The following XKR9 variants were observed in gnomAD, a reference collection of about 807,000 sequenced individuals.
XKR9 encodes XK-related protein 9.
Under a neutral mutation model 32.0 loss-of-function variants are expected in XKR9, and 32 were observed. That is an observed-to-expected ratio of 1.00 (90% CI 0.76 to 1.34). The LOEUF (loss-of-function observed/expected upper bound fraction) is 1.34, where lower values mean the gene tolerates loss of function less well. Among genes scored for constraint, XKR9 ranks in the 40% most tolerant of loss-of-function variants. The pLI is 0.00. For missense variants in XKR9, 546 were observed against 429.7 expected, an observed-to-expected ratio of 1.27 and a Z score of -2.39; for synonymous variants, 168 against 143.4, an observed-to-expected ratio of 1.17 and a Z score of -1.22.
the XKR9 span, among the ~76,000 whole-genome samples, chr8:70,996,575 A>C: frequency 6.6e-6 from 1 of 152,232 alleles, no homozygotes; most frequent in East Asian, 1.9e-4. Flanking sequence ...ACAATGATTA[A>C]AATTAGAAGA....
chr8:70,669,824 G>C (rs960722392), intron 1 of XKR9, among the ~76,000 whole-genome samples: 3 of 151,830 alleles, frequency 2.0e-5, no homozygotes, highest in Admixed American at 2.0e-4. Flanking sequence ...CCGCCACCAC[G>C]CCCGGCTAAT....
intron 4 of XKR9, among the ~76,000 whole-genome samples, chr8:70,718,440 T>C (rs1806163847): frequency 6.6e-6 from 1 of 152,078 alleles, no homozygotes; most frequent in South Asian, 2.1e-4. Context: ...CCCGCATGCA[T>C]TAGCTGTTTG....
intron 2 of XKR9, among the ~76,000 whole-genome samples, chr8:70,744,788 T>C (rs969085607): frequency 3.3e-5 from 5 of 150,548 alleles, no homozygotes; most frequent in African/African-American, 9.7e-5. Context: ...GTATTTTTGG[T>C]AGAGATTGGG....
At chr8:70,889,229 G>A in the XKR9 span, among the ~76,000 whole-genome samples, 1 of 151,192 alleles carries the variant, frequency 6.6e-6, no homozygotes, top group African/African-American at 2.4e-5. Flanking sequence ...AAATGGGATC[G>A]CCATCTTGAT....
chr8:70,677,966 CAT>C (rs1307623098), intron 2 of XKR9: 1 of 152,178 alleles, frequency 6.6e-6, no homozygotes, highest in African/African-American at 2.4e-5. Flanking sequence ...ACACATTAAA[CAT>C]ATCCAGTAGA....
At chr8:70,902,697 T>C in the XKR9 span, among the ~76,000 whole-genome samples, 3 of 152,246 alleles carry the variant, frequency 2.0e-5, no homozygotes, top group Admixed American at 2.0e-4. Context: ...GGCATCCCTG[T>C]CTTGTGCCAG....
chr8:70,947,286 AACAT>A, the XKR9 span, among the ~76,000 whole-genome samples: 1 of 152,214 alleles, frequency 6.6e-6, no homozygotes, highest in Non-Finnish European at 1.5e-5. Context: ...AGCATCTGGA[AACAT>A]ACTGAGAACA....
the XKR9 span, among the ~76,000 whole-genome samples, chr8:70,907,996 A>G: frequency 6.6e-6 from 1 of 152,210 alleles, no homozygotes; most frequent in Non-Finnish European, 1.5e-5. Context: ...AATCTTATGC[A>G]TAATTTACTC....
At chr8:70,932,935 C>A in the XKR9 span, among the ~76,000 whole-genome samples, 2 of 152,096 alleles carry the variant, frequency 1.3e-5, no homozygotes, top group Non-Finnish European at 2.9e-5. Context: ...TGAACGGACC[C>A]TAGCTTTCAG....
intron 2 of XKR9, among the ~76,000 whole-genome samples, chr8:70,758,714 G>A (rs2130201583): frequency 6.6e-6 from 1 of 152,276 alleles, no homozygotes; most frequent in South Asian, 2.1e-4. Flanking sequence ...AGTCAGTCTT[G>A]ATGACATAAT....
At chr8:70,855,134 C>T in the XKR9 span, among the ~76,000 whole-genome samples, 6 of 152,036 alleles carry the variant, frequency 3.9e-5, no homozygotes, top group African/African-American at 1.2e-4. Flanking sequence ...TGGAGAATGA[C>T]TTTGACGAGT....
chr8:70,845,387 A>T, the XKR9 span, among the ~76,000 whole-genome samples: 1 of 152,236 alleles, frequency 6.6e-6, no homozygotes, highest in Non-Finnish European at 1.5e-5. Context: ...GGAAAAGCCG[A>T]GGAAATACAA....
the XKR9 span, among the ~76,000 whole-genome samples, chr8:70,814,889 A>G: frequency 6.6e-6 from 1 of 152,248 alleles, no homozygotes; most frequent in Non-Finnish European, 1.5e-5. Flanking sequence ...AAATGAATTC[A>G]GTAAAGTTTC....
chr8:70,678,799 T>C (rs1485871336), intron 2 of XKR9, among the ~76,000 whole-genome samples: 1 of 152,244 alleles, frequency 6.6e-6, no homozygotes, highest in Non-Finnish European at 1.5e-5. Context: ...TTCTGAAGAC[T>C]TTTTAGCAAA....
chr8:70,746,128 CT>C (rs1219885723), intron 2 of XKR9, among the ~76,000 whole-genome samples: 3 of 151,208 alleles, frequency 2.0e-5, no homozygotes, highest in African/African-American at 7.3e-5. Flanking sequence ...GACTTAAGTA[CT>C]TTTTTAAAAT....
the XKR9 span, among the ~76,000 whole-genome samples, chr8:70,840,326 G>A: frequency 1.3e-5 from 2 of 152,170 alleles, no homozygotes; most frequent in Middle Eastern, 3.4e-3. Flanking sequence ...TTTAATTTTT[G>A]CATTTTTTTA....
the XKR9 span, among the ~76,000 whole-genome samples, chr8:70,891,883 G>A: frequency 1.3e-5 from 2 of 151,944 alleles, no homozygotes; most frequent in South Asian, 2.1e-4. Flanking sequence ...GATTTCATTG[G>A]CATCTATCCC....
intron 2 of XKR9, among the ~76,000 whole-genome samples, chr8:70,680,032 A>G (rs904086884): frequency 2.0e-5 from 3 of 152,072 alleles, no homozygotes; most frequent in Admixed American, 6.6e-5. Flanking sequence ...ATGTAGCAGT[A>G]TAGAGAGAAA....
the XKR9 span, among the ~76,000 whole-genome samples, chr8:70,972,770 G>A: frequency 5.9e-5 from 9 of 152,036 alleles, no homozygotes; most frequent in Non-Finnish European, 1.3e-4. Flanking sequence ...CACATTTATT[G>A]ACTTATGAGT....
Sources: gnomAD v4.1 joint callset for allele counts (sites outside exome capture counted in the v4.1 genomes callset) on GRCh38, gnomAD v4.1.1 for gene constraint, MANE v1.5 for transcripts, NCBI Gene and HGNC (gene_info 2026-07-23, HGNC 2026-07-21) for gene names.